TCAIM: variants seen among roughly 807,000 people sequenced by gnomAD.
TCAIM encodes T cell activation inhibitor, mitochondrial, also known as T-cell activation inhibitor, mitochondrial.
In TCAIM, 36 loss-of-function variants were observed where a neutral mutation model predicts 58.6. The ratio of observed to expected loss-of-function variants is 0.61; its 90% CI spans 0.47 to 0.81. The LOEUF is 0.81. Ranked by LOEUF, TCAIM falls within the 30% of genes least tolerant of loss-of-function variation. The pLI is 0.00. For missense variants in TCAIM, 466 were observed against 579.6 expected, an observed-to-expected ratio of 0.80 and a Z score of 2.01; for synonymous variants, 172 against 193.6, an observed-to-expected ratio of 0.89 and a Z score of 0.93.
At chr3:44,401,146 C>T in intron 9 of TCAIM, 57 bp from the exon 10 acceptor site, 1 of 1,569,198 alleles carries the variant, frequency 6.4e-7, no homozygotes, top group South Asian at 1.2e-5. Context: ...AATATTTTCT[C>T]TGGTGGGGGA....
chr3:44,389,774 C>T (rs1701802940), intron 5 of TCAIM, among the ~76,000 whole-genome samples: 1 of 151,906 alleles, frequency 6.6e-6, no homozygotes, highest in Admixed American at 6.6e-5. Flanking sequence ...AACACTTTCA[C>T]CTAGAGGATA....
intron 1 of TCAIM, among the ~76,000 whole-genome samples, chr3:44,353,814 TTTTGGATAATAG>T: frequency 6.6e-6 from 1 of 152,330 alleles, no homozygotes; most frequent in East Asian, 1.9e-4. Flanking sequence ...TCTTTGTACA[TTTTGGATAATAG>T]TTTGTTATCA....
intron 1 of TCAIM, among the ~76,000 whole-genome samples, chr3:44,346,079 C>T (rs1364353173): frequency 6.6e-6 from 1 of 152,044 alleles, no homozygotes; most frequent in Non-Finnish European, 1.5e-5. Flanking sequence ...GAGGACAGGC[C>T]CGAATTCTGA....
chr3:44,393,437 G>C (rs1186983587), intron 6 of TCAIM, among the ~76,000 whole-genome samples: 1 of 152,080 alleles, frequency 6.6e-6, no homozygotes, highest in African/African-American at 2.4e-5. Flanking sequence ...CTGCAGCCTG[G>C]GTGATAGAGC....
At chr3:44,344,738 G>A (rs941399522) in intron 1 of TCAIM, among the ~76,000 whole-genome samples, 6 of 152,048 alleles carry the variant, frequency 3.9e-5, no homozygotes, top group African/African-American at 9.7e-5. Flanking sequence ...GGGTGCAGGC[G>A]GGCTGAGTCC....
chr3:44,358,701 A>G (rs1701244973), intron 3 of TCAIM: 3 of 987,774 alleles, frequency 3.0e-6, no homozygotes, highest in Non-Finnish European at 3.6e-6. Flanking sequence ...CCTGGAACCA[A>G]TCCCCTATGG....
At chr3:44,376,176 C>T (rs1002899188) in intron 5 of TCAIM, among the ~76,000 whole-genome samples, 7 of 152,080 alleles carry the variant, frequency 4.6e-5, no homozygotes, top group Non-Finnish European at 8.8e-5. Flanking sequence ...GAGAGCAGGA[C>T]TATTAATGGG....
intron 5 of TCAIM, among the ~76,000 whole-genome samples, chr3:44,387,899 G>A (rs959195177): frequency 6.6e-6 from 1 of 152,052 alleles, no homozygotes; most frequent in African/African-American, 2.4e-5. Context: ...AATAAAAAAA[G>A]TTAGAGACTA....
intron 10 of TCAIM, among the ~76,000 whole-genome samples, chr3:44,404,051 C>T (rs1173381790): frequency 6.6e-6 from 1 of 152,178 alleles, no homozygotes; most frequent in Admixed American, 6.5e-5. Context: ...CGTTCTGCTC[C>T]AGCCTTTTTA....
intron 2 of TCAIM, among the ~76,000 whole-genome samples, chr3:44,356,923 G>A (rs4076082): frequency 0.49 from 74,553 of 150,814 alleles, 19,491 homozygotes; most frequent in East Asian, 0.81. Flanking sequence ...ATTGCATGCA[G>A]TGAGCCAAGA....
At chr3:44,376,673 C>T (rs963056043) in intron 5 of TCAIM, among the ~76,000 whole-genome samples, 1 of 152,126 alleles carries the variant, frequency 6.6e-6, no homozygotes, top group Non-Finnish European at 1.5e-5. Context: ...GACAAAAAAG[C>T]GGTAAGACAC....
intron 5 of TCAIM, among the ~76,000 whole-genome samples, chr3:44,368,985 T>C (rs956790720): frequency 4.6e-5 from 7 of 152,192 alleles, no homozygotes; most frequent in African/African-American, 1.7e-4. Flanking sequence ...ATTGTGCCAC[T>C]GCACTCCAGC....
intron 1 of TCAIM, among the ~76,000 whole-genome samples, chr3:44,353,213 G>A (rs575428643): frequency 2.7e-4 from 39 of 144,166 alleles, no homozygotes; most frequent in Non-Finnish European, 3.2e-4. Context: ...GAGCCACCGC[G>A]CCTGGCCAAC....
At chr3:44,354,240 A>G (rs1701148736) in intron 1 of TCAIM, among the ~76,000 whole-genome samples, 1 of 152,136 alleles carries the variant, frequency 6.6e-6, no homozygotes, top group Non-Finnish European at 1.5e-5. Context: ...GTATGAATCT[A>G]TTTCTGGGCT....
At chr3:44,374,303 T>C (rs1483744670) in intron 5 of TCAIM, among the ~76,000 whole-genome samples, 1 of 149,390 alleles carries the variant, frequency 6.7e-6, no homozygotes, top group Non-Finnish European at 1.5e-5. Context: ...TTTTTTTTTA[T>C]TTTAACTATA....
At chr3:44,395,570 A>G (rs1006622808) in intron 6 of TCAIM, among the ~76,000 whole-genome samples, 2 of 152,226 alleles carry the variant, frequency 1.3e-5, no homozygotes, top group African/African-American at 4.8e-5. Context: ...CTTCAGTTAC[A>G]CAGCAGGGCC....
intron 5 of TCAIM, among the ~76,000 whole-genome samples, chr3:44,370,953 C>A (rs1360180202): frequency 6.7e-6 from 1 of 149,626 alleles, no homozygotes; most frequent in Admixed American, 6.7e-5. Context: ...ACTCTGTTGC[C>A]CAGGCTGGAG....
chr3:44,379,108 T>C (rs1221682003), intron 5 of TCAIM, among the ~76,000 whole-genome samples: 1 of 57,576 alleles, frequency 1.7e-5, no homozygotes, highest in Non-Finnish European at 3.4e-5. Context: ...GAGGGTGGGG[T>C]GGGGTGCATG....
In TCAIM at chr3:44,367,688, G is replaced by C. The variant is rs114244225; in HGVS notation, c.552G>C (p.Ser184=). 9 of 1,611,548 alleles carry C rather than the reference G, an allele frequency of 5.6e-6. No individual in the cohort carries two copies. In the Admixed American group the frequency reaches 1.5e-4, roughly 27 times the overall value. Residue 184 remains serine, a synonymous_variant, in exon 5 of 11, where the codon TCG becomes TCC. Transcript: ENST00000342649. ...CTGATGAAGACCTTGAACAAGTCTCGAGAGTGGAAACAACTCTCACGTATG... is the reference window on the plus strand; with the variant it reads ...CTGATGAAGACCTTGAACAAGTCTCCAGAGTGGAAACAACTCTCACGTATG... ...KDPDEDLEQV[S]RVETTLTSWL...
Sources: gnomAD v4.1 joint callset for allele counts (sites outside exome capture counted in the v4.1 genomes callset) on GRCh38, gnomAD v4.1.1 for gene constraint, MANE v1.5 for transcripts, NCBI Gene and HGNC (gene_info 2026-07-23, HGNC 2026-07-21) for gene names.